Variants in UGT3A2 observed in about 807,000 individuals in gnomAD.
UGT3A2 encodes UDP glycosyltransferase family 3 member A2.
UGT3A2 carries 32 observed loss-of-function variants against 39.8 expected under a neutral mutation model. The ratio of observed to expected loss-of-function variants is 0.80; its 90% CI spans 0.61 to 1.08. The LOEUF (loss-of-function observed/expected upper bound fraction) is 1.08, where lower values mean the gene tolerates loss of function less well. Ranked by LOEUF, UGT3A2 falls within the 50% of genes least tolerant of loss-of-function variation. UGT3A2 has a pLI of 0.00. For missense variants in UGT3A2, 611 were observed against 637.1 expected, an observed-to-expected ratio of 0.96 and a Z score of 0.44; for synonymous variants, 241 against 230.7, an observed-to-expected ratio of 1.04 and a Z score of -0.40.
chr5:36,045,156 G>C (rs1383531747), intron 4 of UGT3A2, among the ~76,000 whole-genome samples: 2 of 152,028 alleles, frequency 1.3e-5, no homozygotes, highest in Non-Finnish European at 1.5e-5. Flanking sequence ...CAACAGAACA[G>C]AATGGACAAC....
chr5:36,040,324 A>G (rs1173204368), intron 4 of UGT3A2, among the ~76,000 whole-genome samples: 1 of 152,204 alleles, frequency 6.6e-6, no homozygotes, highest in Non-Finnish European at 1.5e-5. Context: ...GCAAGATGGC[A>G]GAATAGAACC....
chr5:36,063,477 C>A (rs1742780270), intron 2 of UGT3A2, among the ~76,000 whole-genome samples: 1 of 152,194 alleles, frequency 6.6e-6, no homozygotes. Flanking sequence ...GCAAGACCAT[C>A]TCAGCCATAG....
chr5:36,052,063 C>T, intron 2 of UGT3A2, 79 bp from the exon 3 acceptor site: 1 of 862,938 alleles, frequency 1.2e-6, no homozygotes, highest in South Asian at 1.8e-5. Context: ...AATATCAAAA[C>T]TTATTTCAAA....
intron 4 of UGT3A2, among the ~76,000 whole-genome samples, chr5:36,040,208 T>G (rs1000187338): frequency 2.6e-5 from 4 of 152,182 alleles, no homozygotes; most frequent in African/African-American, 9.7e-5. Context: ...GTCACTGATC[T>G]TTTTGTACAC....
chr5:36,051,421 T>TG (rs1280654250), intron 3 of UGT3A2, among the ~76,000 whole-genome samples: 1 of 152,146 alleles, frequency 6.6e-6, no homozygotes, highest in Admixed American at 6.6e-5. Flanking sequence ...CCTTTATTTA[T>TG]GAATATATAT....
intron 4 of UGT3A2, among the ~76,000 whole-genome samples, chr5:36,044,868 T>C (rs953720750): frequency 3.3e-5 from 5 of 152,194 alleles, no homozygotes; most frequent in African/African-American, 1.2e-4. Flanking sequence ...TCCACGTTCA[T>C]GCACTGGAAG....
rs1338087800 is a variant in UGT3A2 at position 36,051,907 on chromosome 5, T to C, written c.274A>G (p.Ser92Gly). 1.3e-6 allele frequency: 2 copies of C among 1,594,322 alleles called. No homozygotes were observed. Among genetic ancestry groups the C allele is most frequent in the Non-Finnish European group, 1.7e-6 (2 of 1,175,312 alleles). ...GTTTCTTCCAGAAAGAAATCAAAAC[T>C]CTTTTTAAATTCTCTTTGATGATCT... ...PEDHQREFKK[S>G]FDFFLEETLG... Residue 92 changes from serine to glycine, a missense_variant, in exon 3 of 7, where the codon AGT becomes GGT. Physicochemically the swap from Ser to Gly is moderately conservative, Grantham distance 56. Coordinates refer to ENST00000282507, the MANE Select transcript of UGT3A2 (RefSeq NM_174914.4).
chr5:36,066,631 T>C (rs1293235479), intron 1 of UGT3A2, 65 bp downstream of exon 1: 3 of 1,608,852 alleles, frequency 1.9e-6, no homozygotes, highest in Non-Finnish European at 2.6e-6. Context: ...CGCTGTTCTC[T>C]GGAGCCCTGG....
intron 2 of UGT3A2, 48 bp from the exon 3 acceptor site, chr5:36,052,032 A>G: frequency 8.8e-7 from 1 of 1,142,070 alleles, no homozygotes; most frequent in Non-Finnish European, 1.3e-6. Context: ...ATGCTACACA[A>G]AAGAGTAACA....
At chr5:36,053,610 C>A (rs1329564950) in intron 2 of UGT3A2, among the ~76,000 whole-genome samples, 1 of 152,208 alleles carries the variant, frequency 6.6e-6, no homozygotes, top group Non-Finnish European at 1.5e-5. Context: ...TTCTTCTGAG[C>A]ACCTATCATG....
intron 4 of UGT3A2, 92 bp downstream of exon 4, chr5:36,048,796 TA>T (rs970494240): frequency 6.5e-7 from 1 of 1,529,766 alleles, no homozygotes; most frequent in Admixed American, 2.1e-5. Flanking sequence ...ATCCCGACTT[TA>T]GCCTCAGGAT....
intron 6 of UGT3A2, among the ~76,000 whole-genome samples, chr5:36,036,566 C>T (rs987939980): frequency 3.3e-5 from 5 of 152,196 alleles, no homozygotes; most frequent in African/African-American, 1.2e-4. Context: ...TGTCTGAGGA[C>T]CATCCCAGCT....
intron 4 of UGT3A2, among the ~76,000 whole-genome samples, chr5:36,048,089 G>C (rs750702933): frequency 6.6e-6 from 1 of 152,062 alleles, no homozygotes; most frequent in Non-Finnish European, 1.5e-5. Flanking sequence ...TACATGGTGG[G>C]GGAAGGACAC....
intron 4 of UGT3A2, among the ~76,000 whole-genome samples, chr5:36,047,469 C>T (rs1211775220): frequency 1.3e-5 from 2 of 152,202 alleles, no homozygotes; most frequent in Non-Finnish European, 2.9e-5. Flanking sequence ...TTCTCTCTGC[C>T]CTACAGGGGC....
rs375742715 is a variant in UGT3A2 at position 36,051,391 on chromosome 5, C to A, written c.311+479G>T. Among the ~76,000 whole-genome samples, 128 of 152,180 alleles carry A rather than the reference C, an allele frequency of 8.4e-4. 1 individual carries two copies. The South Asian group carries it at 0.026, about 31-fold the overall frequency. On this transcript the variant is annotated intron_variant, in intron 3 of 6. Coordinates refer to ENST00000282507, the MANE Select transcript of UGT3A2 (RefSeq NM_174914.4). ...TGGCTATATGTTCAACTTCTACAAA[C>A]CCAATGTTCATAAGCCTTCCCTTTA...
At position 36,035,520 on chromosome 5, in the gene UGT3A2, T is replaced by C. The variant is rs1741789380; in HGVS notation, c.*178A>G. Reference sequence around the variant, plus strand: ...GCTAGCAGGCAGGAGCTAGTAAGGATGAATTTGTAGCAAAATTAGCAAGTG... The same window carrying C: ...GCTAGCAGGCAGGAGCTAGTAAGGACGAATTTGTAGCAAAATTAGCAAGTG... On this transcript the variant is annotated 3_prime_UTR_variant, in exon 7 of 7. Transcript: ENST00000282507. 24 of 926,490 alleles carry C rather than the reference T, an allele frequency of 2.6e-5. No homozygotes were observed. Among genetic ancestry groups the C allele is most frequent in the Middle Eastern group, 6.9e-4 (2 of 2,912 alleles). The allele number at this position is 926,490 out of a possible 1,614,324, so 57.4% of individuals were successfully genotyped here.
rs377481973 is a variant in UGT3A2 at position 36,051,837 on chromosome 5, AC to A, written c.311+32del. 513 of 1,479,858 alleles carry A rather than the reference AC, an allele frequency of 3.5e-4. 1 individual carries two copies. In the African/African-American group the frequency reaches 6.9e-3, roughly 20 times the overall value. 91.7% of individuals were successfully genotyped at this position (1,479,858 alleles called of 1,614,324 possible). A position where few individuals can be genotyped will look rare whatever the true frequency, so the allele number is the denominator to read the frequency against. Reference sequence around the variant, plus strand: ...ATCCATTTGTATTATGAAAATGGTGACCTTTTTGTTCAAAGAATAAAAAAAC... The same window carrying A: ...ATCCATTTGTATTATGAAAATGGTGACTTTTTGTTCAAAGAATAAAAAAAC... On this transcript the variant is annotated intron_variant, in intron 3 of 6. Transcript: ENST00000282507.
intron 4 of UGT3A2, among the ~76,000 whole-genome samples, chr5:36,042,920 ACC>A (rs908426588): frequency 6.6e-6 from 1 of 152,032 alleles, no homozygotes; most frequent in African/African-American, 2.4e-5. Context: ...AGAGAGATAG[ACC>A]CCAATAAAAT....
chr5:36,064,556 T>C (rs1370168533), intron 1 of UGT3A2, among the ~76,000 whole-genome samples: 2 of 152,180 alleles, frequency 1.3e-5, no homozygotes, highest in Non-Finnish European at 2.9e-5. Flanking sequence ...TACCTGTGGC[T>C]CTGGTCCGTG....
Sources: gnomAD v4.1 joint callset for allele counts (sites outside exome capture counted in the v4.1 genomes callset) on GRCh38, gnomAD v4.1.1 for gene constraint, MANE v1.5 for transcripts, NCBI Gene and HGNC (gene_info 2026-07-23, HGNC 2026-07-21) for gene names.